Variants in PRDM16 observed in about 807,000 individuals in gnomAD.
PRDM16 encodes PR/SET domain 16.
Under a neutral mutation model 110.6 loss-of-function variants are expected in PRDM16, and 23 were observed. That is an observed-to-expected ratio of 0.21 (90% CI 0.15 to 0.29). PRDM16 has a LOEUF of 0.29. PRDM16 is among the 10% of genes least tolerant of loss of function. The pLI is 1.00. For missense variants in PRDM16, 1,615 were observed against 1,794.3 expected (o/e 0.90, Z 1.81); for synonymous variants, 799 against 781.8 (o/e 1.02, Z -0.37).
chr1:3,071,481 C>A (rs1305481504), intron 1 of PRDM16, among the ~76,000 whole-genome samples: 2 of 152,270 alleles, frequency 1.3e-5, no homozygotes, highest in Admixed American at 1.3e-4. Context: ...GCGCTGGGAA[C>A]CCCTCCTTCC....
rs184666743 is a variant in PRDM16, at chr1:3,169,054, C to T, written c.38-17071C>T. On this transcript the variant is annotated intron_variant, in intron 1 of 16. Transcript: ENST00000270722. ...TCCCCACCCCTGTAAGAGGGACGTCCTGAGACCCTGTGCTGTGCCGCTGCT... is the reference window on the plus strand; with the variant it reads ...TCCCCACCCCTGTAAGAGGGACGTCTTGAGACCCTGTGCTGTGCCGCTGCT... Among the ~76,000 whole-genome samples, 661 of 152,314 alleles carry T rather than the reference C, an allele frequency of 4.3e-3. 18 individuals carry two copies. Among genetic ancestry groups the T allele is most frequent in the Admixed American group, 0.032 (491 of 15,296 alleles).
chr1:3,251,305 A>AGGTGTGAGGT (rs1553152982), intron 3 of PRDM16, among the ~76,000 whole-genome samples: 5 of 150,850 alleles, frequency 3.3e-5, no homozygotes, highest in Admixed American at 1.3e-4. Context: ...TGCGTGGTTC[A>AGGTGTGAGGT]GGGGTGAGGT....
intron 3 of PRDM16, among the ~76,000 whole-genome samples, chr1:3,315,959 CAG>C (rs1269597065): frequency 2.0e-5 from 3 of 152,048 alleles, no homozygotes; most frequent in Admixed American, 1.3e-4. Flanking sequence ...AATGACATCT[CAG>C]GGGACAGTAT....
intron 1 of PRDM16, among the ~76,000 whole-genome samples, chr1:3,091,736 C>T (rs953129826): frequency 1.4e-4 from 21 of 152,162 alleles, no homozygotes; most frequent in African/African-American, 4.8e-4. Flanking sequence ...TGGAGCTGTC[C>T]CTCCATAGAT....
intron 2 of PRDM16, among the ~76,000 whole-genome samples, chr1:3,222,164 G>C (rs1458327867): frequency 6.6e-6 from 1 of 152,158 alleles, no homozygotes; most frequent in Admixed American, 6.5e-5. Context: ...TTGAGCTCAG[G>C]TCCCACCCCC....
intron 4 of PRDM16, chr1:3,394,498 G>C (rs1488525673): frequency 4.6e-6 from 2 of 436,532 alleles, no homozygotes; most frequent in South Asian, 3.2e-5. Flanking sequence ...GGAGGTGGTG[G>C]GTGGGGTGGG....
chr1:3,389,696 G>A (rs1294727381), intron 4 of PRDM16, among the ~76,000 whole-genome samples: 1 of 152,210 alleles, frequency 6.6e-6, no homozygotes, highest in Non-Finnish European at 1.5e-5. Context: ...GGCCCCTTCC[G>A]AGGCCAAGGG....
At chr1:3,356,212 G>A (rs1216456254) in intron 3 of PRDM16, among the ~76,000 whole-genome samples, 3 of 152,224 alleles carry the variant, frequency 2.0e-5, no homozygotes, top group South Asian at 2.1e-4. Flanking sequence ...AATCACGCAG[G>A]GGGCTTGAGC....
intron 2 of PRDM16, chr1:3,237,945 A>G (rs192395766): frequency 1.1e-4 from 17 of 152,432 alleles, no homozygotes; most frequent in African/African-American, 3.8e-4. Flanking sequence ...ACAAGGCCCC[A>G]TCTCACCAGG....
chr1:3,146,174 C>T (rs759747460), intron 1 of PRDM16, among the ~76,000 whole-genome samples: 9 of 152,334 alleles, frequency 5.9e-5, no homozygotes, highest in South Asian at 2.1e-4. Flanking sequence ...GATATTCTGC[C>T]GCCTTCTGCA....
intron 3 of PRDM16, among the ~76,000 whole-genome samples, chr1:3,313,724 C>G (rs542337661): frequency 6.6e-6 from 1 of 152,194 alleles, no homozygotes. Context: ...CAAACCTCGC[C>G]GCCTCCTGCC....
chr1:3,273,829 T>A (rs949451642), intron 3 of PRDM16, among the ~76,000 whole-genome samples: 56 of 149,250 alleles, frequency 3.8e-4, no homozygotes, highest in Admixed American at 3.3e-3. Context: ...TGTGTGTGTG[T>A]GTGTGTGTGT....
chr1:3,311,847 G>C (rs1203395119), intron 3 of PRDM16, among the ~76,000 whole-genome samples: 1 of 152,234 alleles, frequency 6.6e-6, no homozygotes, highest in East Asian at 1.9e-4. Context: ...CAGAAGGCCA[G>C]ATGCTCAGCC....
intron 3 of PRDM16, among the ~76,000 whole-genome samples, chr1:3,296,227 G>A (rs555027814): frequency 3.9e-5 from 6 of 152,278 alleles, no homozygotes; most frequent in Admixed American, 1.3e-4. Flanking sequence ...TGAGGCACAC[G>A]ACCAGTGCCC....
intron 1 of PRDM16, among the ~76,000 whole-genome samples, chr1:3,164,790 G>A (rs918923002): frequency 2.6e-5 from 4 of 152,280 alleles, no homozygotes; most frequent in African/African-American, 7.2e-5. Flanking sequence ...GCGGGGGGAG[G>A]CTGTTGGGAA....
At chr1:3,085,478 C>T (rs558797173) in intron 1 of PRDM16, among the ~76,000 whole-genome samples, 5 of 152,348 alleles carry the variant, frequency 3.3e-5, no homozygotes, top group Admixed American at 6.5e-5. Context: ...CTTGGTCTGG[C>T]TGGTAGTGGA....
chr1:3,233,565 TC>T (rs938302861), intron 2 of PRDM16, among the ~76,000 whole-genome samples: 1 of 152,146 alleles, frequency 6.6e-6, no homozygotes, highest in African/African-American at 2.4e-5. Flanking sequence ...AGCATCCTTC[TC>T]CCTGCCCCTG....
chr1:3,119,706 G>T (rs1643047321), intron 1 of PRDM16, among the ~76,000 whole-genome samples: 1 of 152,230 alleles, frequency 6.6e-6, no homozygotes, highest in Admixed American at 6.5e-5. Flanking sequence ...AGTGGCTGGG[G>T]GTGCCGTGTT....
intron 1 of PRDM16, among the ~76,000 whole-genome samples, chr1:3,102,961 A>T (rs1309779989): frequency 6.6e-6 from 1 of 152,084 alleles, no homozygotes; most frequent in African/African-American, 2.4e-5. Context: ...ATTTCCTTCA[A>T]ATCTTCCTCT....
Sources: gnomAD v4.1 joint callset for allele counts (sites outside exome capture counted in the v4.1 genomes callset) on GRCh38, gnomAD v4.1.1 for gene constraint, MANE v1.5 for transcripts, NCBI Gene and HGNC (gene_info 2026-07-23, HGNC 2026-07-21) for gene names.